Variants in RSPH10B observed in about 807,000 individuals in gnomAD.
RSPH10B encodes radial spoke head 10 homolog B, also known as radial spoke head 10 homolog B (Chlamydomonas).
Under a neutral mutation model 52.5 loss-of-function variants are expected in RSPH10B, and 7 were observed. The observed-to-expected ratio is 0.13, with a 90% confidence interval of 0.08 to 0.25. RSPH10B has a LOEUF of 0.25. RSPH10B is among the 10% of genes least tolerant of loss of function. RSPH10B has a pLI of 1.00. For synonymous variants in RSPH10B, 28 were observed against 193.2 expected, an observed-to-expected ratio of 0.14 and a Z score of 7.09; for missense variants, 89 against 542.5, an observed-to-expected ratio of 0.16 and a Z score of 8.30.
chr7:5,947,914 C>G (rs1216606776), intron 10 of RSPH10B, among the ~76,000 whole-genome samples: 1 of 92,462 alleles, frequency 1.1e-5, no homozygotes, highest in African/African-American at 4.2e-5. Context: ...CCCTGTCACC[C>G]AGGCTGGAGT....
intron 3 of RSPH10B, among the ~76,000 whole-genome samples, chr7:5,961,356 T>C (rs1271330586): frequency 1.4e-5 from 2 of 146,174 alleles, no homozygotes; most frequent in East Asian, 3.9e-4. Flanking sequence ...GTTTTTATTT[T>C]TGAGACAGAG....
At chr7:5,931,432 G>C (rs1198826504) in intron 17 of RSPH10B, among the ~76,000 whole-genome samples, 1 of 151,490 alleles carries the variant, frequency 6.6e-6, no homozygotes, top group Non-Finnish European at 1.5e-5. Flanking sequence ...GACACCGTCA[G>C]AAAAGGGGGA....
intron 13 of RSPH10B, among the ~76,000 whole-genome samples, chr7:5,940,005 G>A (rs1780103706): frequency 8.4e-6 from 1 of 118,924 alleles, no homozygotes; most frequent in Non-Finnish European, 1.9e-5. Flanking sequence ...GACCATCCTG[G>A]CCAACATGGA....
At chr7:5,941,756 A>G (rs904831316) in intron 13 of RSPH10B, among the ~76,000 whole-genome samples, 1 of 141,150 alleles carries the variant, frequency 7.1e-6, no homozygotes, top group Non-Finnish European at 1.6e-5. Context: ...AAAAAAAAGT[A>G]TCATGGAACA....
At chr7:5,930,775 C>A (rs184234094) in intron 17 of RSPH10B, among the ~76,000 whole-genome samples, 304 of 24,134 alleles carry the variant, frequency 0.013, 95 homozygotes, top group African/African-American at 0.054. Flanking sequence ...TACACAGCCC[C>A]CCAAGATACC....
chr7:5,927,068 A>G (rs71524063), intron 18 of RSPH10B, among the ~76,000 whole-genome samples: 842 of 54,400 alleles, frequency 0.015, 8 homozygotes, highest in African/African-American at 0.05. Context: ...GTGTGTGTGT[A>G]TATGTGTGTG....
In RSPH10B at chr7:5,942,203, G is replaced by T. The variant is rs545205977; in HGVS notation, c.1758+1121C>A. ...TTCAGTTGACTTTATTGCTATTCTA[G>T]GATCAGGCAACACTTCAGTCCATCA... On this transcript the variant is annotated intron_variant, in intron 13 of 18. Coordinates refer to ENST00000337579, the Ensembl canonical transcript of RSPH10B. 2.1e-5 allele frequency among the ~76,000 whole-genome samples: 3 copies of T among 144,092 alleles called. No individual in the cohort carries two copies. In the South Asian group the frequency reaches 6.4e-4, roughly 31 times the overall value. The allele number at this position is 144,092 out of a possible 152,430, so 94.5% of individuals were successfully genotyped here. A position where few individuals can be genotyped will look rare whatever the true frequency, so the allele number is the denominator to read the frequency against.
At chr7:5,958,175 C>A in intron 5 of RSPH10B, 148 bp from the exon 8 acceptor site, 1 of 321,186 alleles carries the variant, frequency 3.1e-6, no homozygotes, top group Non-Finnish European at 5.8e-6. Flanking sequence ...TAAATTCAGG[C>A]CAGGCGTGGT....
At chr7:5,927,748 C>T (rs1431000449) in intron 18 of RSPH10B, among the ~76,000 whole-genome samples, 2 of 147,132 alleles carry the variant, frequency 1.4e-5, no homozygotes, top group Non-Finnish European at 3.0e-5. Flanking sequence ...CCAGCCTGGA[C>T]AACCTGGTGA....
rs71762251 is a variant in RSPH10B at position 5,927,045 on chromosome 7, G to GTGTGTGTGTGTGTGTGTGTGTGTA, written c.2433-498_2433-497insTACACACACACACACACACACACA. 2.4e-4 allele frequency among the ~76,000 whole-genome samples: 29 copies of GTGTGTGTGTGTGTGTGTGTGTGTA among 123,014 alleles called. 1 individual carries two copies. Among genetic ancestry groups the GTGTGTGTGTGTGTGTGTGTGTGTA allele is most frequent in the Non-Finnish European group, 4.3e-4 (24 of 55,312 alleles). 80.7% of individuals were successfully genotyped at this position (123,014 alleles called of 152,430 possible). On this transcript the variant is annotated intron_variant, in intron 18 of 18. Coordinates refer to ENST00000337579, the Ensembl canonical transcript of RSPH10B. Reference sequence around the variant, plus strand: ...TACGTGTGTGTGTGTGTGTGTGTGTGTATTATGTGTGTGTGTGTGTGTATA... The same window carrying GTGTGTGTGTGTGTGTGTGTGTGTA: ...TACGTGTGTGTGTGTGTGTGTGTGTGTGTGTGTGTGTGTGTGTGTGTGTATATTATGTGTGTGTGTGTGTGTATA...
chr7:5,960,151 G>A (rs1264474101), intron 4 of RSPH10B, among the ~76,000 whole-genome samples: 11 of 29,712 alleles, frequency 3.7e-4, no homozygotes, highest in African/African-American at 2.1e-3. Flanking sequence ...TGTGGCTCAC[G>A]CCTGTAATCC....
At chr7:5,944,385 G>A (rs1455672818) in intron 11 of RSPH10B, among the ~76,000 whole-genome samples, 10 of 150,520 alleles carry the variant, frequency 6.6e-5, no homozygotes, top group South Asian at 2.1e-4. Flanking sequence ...GTGACAGAGC[G>A]AGATTCCATC....
Position 5,966,991 on chromosome 7 carries a change from TG to T in RSPH10B, c.125del (p.Pro42GlnfsTer14), listed in dbSNP as rs1781129292. 1 of 1,281,042 alleles carries T rather than the reference TG, an allele frequency of 7.8e-7. No individual in the cohort carries two copies. The highest frequency in any genetic ancestry group is 1.7e-5 in the African/African-American group (1 of 57,618). The allele number at this position is 1,281,042 out of a possible 1,614,324, so 79.4% of individuals were successfully genotyped here. A position where few individuals can be genotyped will look rare whatever the true frequency, so the allele number is the denominator to read the frequency against. ...GCATTCCCAGCAATGGGACACCAGC[TG>T]GGGACATCTCTTGCCTAGTGGTGTT... On this transcript the variant is annotated frameshift_variant, in exon 1 of 19. Transcript: ENST00000337579. LOFTEE classifies it high-confidence loss of function.
At chr7:5,941,508 T>G (rs1780184238) in intron 13 of RSPH10B, among the ~76,000 whole-genome samples, 1 of 148,516 alleles carries the variant, frequency 6.7e-6, no homozygotes, top group Non-Finnish European at 1.5e-5. Context: ...ACTTTGGGAG[T>G]CCGACACGGG....
intron 13 of RSPH10B, 60 bp downstream of exon 15, chr7:5,943,264 T>G (rs1306819047): frequency 6.4e-7 from 1 of 1,550,988 alleles, no homozygotes; most frequent in Admixed American, 2.0e-5. Flanking sequence ...ATCCTGCCTT[T>G]CTTTAATTAA....
chr7:5,930,697 G>T (rs1251574322), intron 17 of RSPH10B, among the ~76,000 whole-genome samples: 1 of 35,258 alleles, frequency 2.8e-5, no homozygotes, highest in African/African-American at 1.0e-4. Context: ...AGTGGCCTGG[G>T]GAGGACAGTG....
intron 3 of RSPH10B, among the ~76,000 whole-genome samples, chr7:5,961,338 T>A (rs991271718): frequency 1.4e-5 from 2 of 146,576 alleles, no homozygotes; most frequent in Non-Finnish European, 3.1e-5. Context: ...AAGATTTTAT[T>A]TGTTTTTGTT....
At chr7:5,970,510 CG>C (rs1781269214), upstream of RSPH10B, 1 of 143,004 alleles carries the variant, frequency 7.0e-6, no homozygotes, top group African/African-American at 2.6e-5. Context: ...TCGCCCATCA[CG>C]CACGTGCTCG....
At chr7:5,927,049 TATG>T (rs1398326183) in intron 18 of RSPH10B, among the ~76,000 whole-genome samples, 11,251 of 54,742 alleles carry the variant, frequency 0.21, 403 homozygotes, top group Non-Finnish European at 0.24. Flanking sequence ...GTGTGTGTAT[TATG>T]TGTGTGTGTG....
Sources: gnomAD v4.1 joint callset for allele counts (sites outside exome capture counted in the v4.1 genomes callset) on GRCh38, gnomAD v4.1.1 for gene constraint, MANE v1.5 for transcripts, NCBI Gene and HGNC (gene_info 2026-07-23, HGNC 2026-07-21) for gene names.